The following HIRA variants were observed in gnomAD, a reference collection of about 807,000 sequenced individuals.
HIRA encodes the protein histone cell cycle regulator, also known as protein HIRA.
HIRA carries 13 observed loss-of-function variants against 126.6 expected under a neutral mutation model. That is an observed-to-expected ratio of 0.10 (90% CI 0.07 to 0.16). The LOEUF is 0.16. Ranked by LOEUF, HIRA falls within the 10% of genes least tolerant of loss-of-function variation. HIRA has a pLI of 1.00. For synonymous variants in HIRA, 511 were observed against 520.0 expected, an observed-to-expected ratio of 0.98 and a Z score of 0.24; for missense variants, 834 against 1,314.4, an observed-to-expected ratio of 0.63 and a Z score of 5.65.
Position 19,396,776 on chromosome 22 carries a change from T to C in HIRA, c.654+11A>G, listed in dbSNP as rs779754865. The stretch of plus-strand genomic sequence containing the variant: ...TGCGGGGGCTCAGCTCCCTGAGCTG[T>C]CCCCACTTACCTCATCAAAAGGCTT... On this transcript the variant is annotated intron_variant, in intron 7 of 24. Transcript: ENST00000263208. The C allele has an allele frequency of 3.1e-6, 5 of 1,613,128 alleles. 1 individual carries two copies. The highest frequency in any genetic ancestry group is 4.2e-6 in the Non-Finnish European group (5 of 1,179,606).
intron 24 of HIRA, among the ~76,000 whole-genome samples, chr22:19,350,307 A>G (rs782680858): frequency 1.3e-5 from 2 of 152,178 alleles, no homozygotes; most frequent in Non-Finnish European, 2.9e-5. Flanking sequence ...CCCTATGCCT[A>G]TAACATGCCT....
chr22:19,411,520 T>C (rs1434345152), intron 1 of HIRA, among the ~76,000 whole-genome samples: 5 of 152,162 alleles, frequency 3.3e-5, no homozygotes, highest in African/African-American at 1.2e-4. Flanking sequence ...TGGTGGGCAT[T>C]TGTCCAGCTC....
chr22:19,425,452 G>A (rs1010214173), intron 1 of HIRA, among the ~76,000 whole-genome samples: 2 of 152,112 alleles, frequency 1.3e-5, no homozygotes, highest in African/African-American at 4.8e-5. Flanking sequence ...CAGACACAGA[G>A]CATCCTCTTC....
At chr22:19,366,988 C>G (rs1306801622) in intron 15 of HIRA, among the ~76,000 whole-genome samples, 2 of 152,124 alleles carry the variant, frequency 1.3e-5, no homozygotes, top group African/African-American at 4.8e-5. Flanking sequence ...GTCTTGAGCT[C>G]CTGACCTCAG....
intron 15 of HIRA, among the ~76,000 whole-genome samples, chr22:19,364,147 CAAAT>C (rs966293082): frequency 3.4e-5 from 5 of 148,418 alleles, no homozygotes; most frequent in African/African-American, 7.5e-5. Context: ...ACTGCTCTAA[CAAAT>C]AAAGTCTATT....
chr22:19,399,605 G>C lies in HIRA; in HGVS notation c.398-1518C>G, dbSNP rs141464239. ...ACGCATACCCTAGAGTGGGAATCCT[G>C]GGCAGAATATCTGAGCATCCTCATA... is the stretch of plus-strand genomic sequence containing the variant. On this transcript the variant is annotated intron_variant, in intron 5 of 24. Transcript: ENST00000263208. 4.4e-3 allele frequency among the ~76,000 whole-genome samples: 665 copies of C among 152,106 alleles called. 5 individuals carry two copies. The highest frequency in any genetic ancestry group is 0.015 in the African/African-American group (636 of 41,484).
chr22:19,406,107 A>G (rs114573143), intron 4 of HIRA, among the ~76,000 whole-genome samples: 3,357 of 152,314 alleles, frequency 0.022, 112 homozygotes, highest in East Asian at 0.096. Context: ...AACGTTCACA[A>G]TAAGTGAAAG....
At chr22:19,366,908 T>A (rs889783948) in intron 15 of HIRA, among the ~76,000 whole-genome samples, 1 of 152,062 alleles carries the variant, frequency 6.6e-6, no homozygotes, top group Non-Finnish European at 1.5e-5. Flanking sequence ...ACTACAGGCA[T>A]GCACCGTGAC....
At chr22:19,405,389 T>C (rs371882528) in intron 5 of HIRA, 2 of 576,600 alleles carry the variant, frequency 3.5e-6, no homozygotes, top group East Asian at 2.8e-4. Context: ...GCAAACATAC[T>C]CAAGGTCAAG....
At chr22:19,395,245 C>T (rs2089213355) in intron 7 of HIRA, among the ~76,000 whole-genome samples, 1 of 152,164 alleles carries the variant, frequency 6.6e-6, no homozygotes, top group African/African-American at 2.4e-5. Context: ...GGGTTAAGAT[C>T]ATGACCTCAC....
intron 15 of HIRA, among the ~76,000 whole-genome samples, chr22:19,363,103 G>A (rs1001384148): frequency 8.9e-4 from 134 of 151,062 alleles, no homozygotes; most frequent in African/African-American, 2.2e-3. Flanking sequence ...GTGTGGTGGC[G>A]TGTGCCTGTA....
In HIRA at chr22:19,423,506, CACACACACACACACACACAT is replaced by C. The variant is rs769108766; in HGVS notation, c.37+7914_37+7933del. 1.1e-3 allele frequency among the ~76,000 whole-genome samples: 142 copies of C among 126,682 alleles called. 1 individual carries two copies. The highest frequency in any genetic ancestry group is 1.7e-3 in the Admixed American group (21 of 12,158). 83.1% of individuals were successfully genotyped at this position (126,682 alleles called of 152,430 possible). ...ATACACACACACACACACACACACA[CACACACACACACACACACAT>C]ATTTTCAGCTCTTAAAACAGCAGTG... is the stretch of plus-strand genomic sequence containing the variant. On this transcript the variant is annotated intron_variant, in intron 1 of 24. Transcript: ENST00000263208.
At chr22:19,376,883 G>GT (rs2089024061) in intron 14 of HIRA, among the ~76,000 whole-genome samples, 1 of 152,230 alleles carries the variant, frequency 6.6e-6, no homozygotes, top group South Asian at 2.1e-4. Flanking sequence ...GGTATCAGCT[G>GT]TATGTGCCAG....
chr22:19,351,187 G>A lies in HIRA; in HGVS notation c.2937+171C>T, dbSNP rs782065104. ...GATGTCCAGGGCCCAGCTCCTGCCA[G>A]GTTGTGGAGGGCCGTCGGCATGTCA... On this transcript the variant is annotated intron_variant, in intron 24 of 24. Transcript: ENST00000263208. This position sits in a 1 kb window ranked among gnomAD's most constrained non-coding sequence, Gnocchi z 4.8. The A allele has an allele frequency of 2.8e-5, 28 of 985,412 alleles. No individual in the cohort carries two copies. The highest frequency in any genetic ancestry group is 3.3e-5 in the Non-Finnish European group (27 of 829,936). 61.0% of individuals were successfully genotyped at this position (985,412 alleles called of 1,614,324 possible).
intron 24 of HIRA, among the ~76,000 whole-genome samples, chr22:19,350,349 C>T (rs1412793795): frequency 6.6e-6 from 1 of 152,174 alleles, no homozygotes; most frequent in African/African-American, 2.4e-5. Context: ...AGTAATTGCT[C>T]AATGATTGAA....
intron 13 of HIRA, among the ~76,000 whole-genome samples, chr22:19,382,386 T>G (rs2089081863): frequency 6.6e-6 from 1 of 152,114 alleles, no homozygotes. Context: ...TGGGTCTCAC[T>G]TGGTCTCAAT....
At chr22:19,407,120 T>A (rs1363110169) in intron 4 of HIRA, 64 bp downstream of exon 4, 48 of 1,363,082 alleles carry the variant, frequency 3.5e-5, no homozygotes, top group Non-Finnish European at 4.6e-5. Context: ...GAAAGGTGAC[T>A]TTGATAAAGA....
At position 19,353,485 on chromosome 22, in the gene HIRA, G is replaced by A. The variant is rs782359989; in HGVS notation, c.2719C>T (p.Pro907Ser). 1 of 1,612,138 alleles carries A rather than the reference G, an allele frequency of 6.2e-7. No homozygotes were observed. Among genetic ancestry groups the A allele is most frequent in the Non-Finnish European group, 8.5e-7 (1 of 1,179,596 alleles). The part of the protein sequence containing the change: ...GRQAARLFSV[P>S]HVVQQETTLA... ...GTGGTCTCTTGCTGCACCACATGAG[G>A]CACGGAGAAGAGCCGGGCAGCCTGC... Residue 907 changes from proline (P) to serine (S), a missense_variant, in exon 23 of 25, where the codon CCT becomes TCT. By Grantham distance (74) the Pro-to-Ser change is moderately conservative. Coordinates refer to ENST00000263208, the MANE Select transcript of HIRA (RefSeq NM_003325.4).
chr22:19,373,556 A>G (rs1003455351), intron 15 of HIRA, among the ~76,000 whole-genome samples: 2 of 152,212 alleles, frequency 1.3e-5, no homozygotes, highest in African/African-American at 2.4e-5. Context: ...AACGTCAATT[A>G]GACCAGGATT....
Sources: allele counts gnomAD v4.1 joint callset (sites outside exome capture counted in the v4.1 genomes callset), GRCh38; gene constraint gnomAD v4.1.1; non-coding constraint Gnocchi (gnomAD v3.1); transcripts MANE v1.5; gene names NCBI Gene and HGNC (gene_info 2026-07-23, HGNC 2026-07-21).